The following MMP2 variants were observed in gnomAD, a reference collection of about 807,000 sequenced individuals.
The protein encoded by MMP2 is matrix metallopeptidase 2.
In MMP2, 39 loss-of-function variants were observed where a neutral mutation model predicts 74.8. The ratio of observed to expected loss-of-function variants is 0.52; its 90% CI spans 0.40 to 0.68. The LOEUF is 0.68. Among genes scored for constraint, MMP2 ranks in the 30% least tolerant of loss-of-function variants. The pLI, the probability that MMP2 is intolerant of heterozygous loss-of-function variation, is 0.00. For synonymous variants in MMP2, 367 were observed against 339.8 expected (o/e 1.08, Z -0.88); for missense variants, 803 against 878.3 (o/e 0.91, Z 1.08).
chr16:55,490,969 C>T (rs781621073), intron 7 of MMP2, among the ~76,000 whole-genome samples: 7 of 152,100 alleles, frequency 4.6e-5, no homozygotes, highest in Non-Finnish European at 7.4e-5. Context: ...TCTAAAATCA[C>T]GGCGTCAGTA....
At chr16:55,491,705 G>A (rs1486873884) in intron 7 of MMP2, 96 bp from the exon 8 acceptor site, 10 of 1,377,766 alleles carry the variant, frequency 7.3e-6, no homozygotes, top group African/African-American at 1.4e-5. Flanking sequence ...TTACTGTGGG[G>A]CTGTCCTCAA....
intron 10 of MMP2, among the ~76,000 whole-genome samples, chr16:55,498,030 T>C (rs2142367268): frequency 6.6e-6 from 1 of 152,306 alleles, no homozygotes; most frequent in Non-Finnish European, 1.5e-5. Flanking sequence ...GCAAGGCCCT[T>C]AGAGTGCACG....
chr16:55,491,071 C>CTT (rs57901132), intron 7 of MMP2, among the ~76,000 whole-genome samples: 19 of 145,778 alleles, frequency 1.3e-4, no homozygotes, highest in African/African-American at 3.8e-4. Context: ...GCCTCTCCTC[C>CTT]TTTTTTTTTT....
chr16:55,497,454 AC>A (rs1195822510), intron 10 of MMP2, among the ~76,000 whole-genome samples: 1 of 152,184 alleles, frequency 6.6e-6, no homozygotes, highest in Non-Finnish European at 1.5e-5. Context: ...TTTCATTTTT[AC>A]TTTTAGACAT....
chr16:55,486,666 C>G (rs12934241), intron 5 of MMP2: 1 of 151,904 alleles, frequency 6.6e-6, no homozygotes, highest in Non-Finnish European at 1.5e-5. Flanking sequence ...CACAAAAAGA[C>G]AATGTAACTT....
In MMP2 at chr16:55,479,509, C is replaced by A. The variant is rs1344245507; in HGVS notation, c.30C>A (p.Leu10=). 6.3e-7 allele frequency: 1 copy of A among 1,598,124 alleles called. No homozygotes were observed. ...AGGCGCTAATGGCCCGGGGCGCGCT[C>A]ACGGGTCCCCTGAGGGCGCTCTGTC... The part of the protein sequence containing the change: MEALMARGA[L]TGPLRALCLL... Residue 10 remains leucine (L), a synonymous_variant, in exon 1 of 13, where the codon CTC becomes CTA. Transcript: ENST00000219070.
chr16:55,503,270 C>G (rs1427173616), intron 12 of MMP2, among the ~76,000 whole-genome samples: 1 of 152,176 alleles, frequency 6.6e-6, no homozygotes, highest in Non-Finnish European at 1.5e-5. Flanking sequence ...AAGGATGGCT[C>G]CATTTGAGAC....
chr16:55,496,859 G>A lies in MMP2; in HGVS notation c.1473-67G>A, dbSNP rs1294550266. ...GGGATGTTTCTGGGTGGGTTTGGGGGTGTGTGTGGTTCGAGCTGCAGGGTG... is the reference window on the plus strand; with the variant it reads ...GGGATGTTTCTGGGTGGGTTTGGGGATGTGTGTGGTTCGAGCTGCAGGGTG... On this transcript the variant is annotated intron_variant, in intron 9 of 12. Coordinates refer to ENST00000219070, the MANE Select transcript of MMP2 (RefSeq NM_004530.6). 10 of 1,598,620 alleles carry A rather than the reference G, an allele frequency of 6.3e-6. No homozygotes were observed. The African/African-American group carries it at 1.1e-4, about 17-fold the overall frequency.
chr16:55,498,417 A>T lies in MMP2; in HGVS notation c.1738A>T (p.Thr580Ser). The change falls in exon 11 of 13, where the codon ACA becomes TCA. Residue 580 changes from threonine (T) to serine (S), a missense_variant. This residue lies in a region of MMP2 where 555 missense variants were observed against 592.0 expected (regional missense o/e 0.94). Coordinates refer to ENST00000219070, the MANE Select transcript of MMP2 (RefSeq NM_004530.6). ...AAFNWSKNKK[T>S]YIFAGDKFWR... ...CTTTAACTGGAGCAAAAACAAGAAG[A>T]CATACATCTTTGCTGGAGACAAATT... 6.2e-7 allele frequency: 1 copy of T among 1,614,196 alleles called. No individual in the cohort carries two copies. Among genetic ancestry groups the T allele is most frequent in the South Asian group, 1.1e-5 (1 of 91,088 alleles).
At chr16:55,479,979 G>GGC (rs200682091) in intron 1 of MMP2, 483 of 8,644 alleles carry the variant, frequency 0.056, 3 homozygotes, top group Non-Finnish European at 0.072. Context: ...GACATTTGGC[G>GGC]GGGGGGGGGG....
At chr16:55,486,349 G>GTGTGTGCC (rs1962256512) in intron 5 of MMP2, among the ~76,000 whole-genome samples, 6 of 53,954 alleles carry the variant, frequency 1.1e-4, no homozygotes, top group Non-Finnish European at 2.1e-4. Flanking sequence ...GTGTGTGCCT[G>GTGTGTGCC]TGTGTGTGTG....
chr16:55,495,299 G>A (rs751543285), intron 9 of MMP2, among the ~76,000 whole-genome samples: 2 of 152,316 alleles, frequency 1.3e-5, no homozygotes, highest in Middle Eastern at 3.4e-3. Context: ...CAGATGTGTG[G>A]GGCCTAGGAA....
intron 7 of MMP2, 31 bp downstream of exon 7, chr16:55,489,855 C>G: frequency 6.2e-7 from 1 of 1,610,426 alleles, no homozygotes; most frequent in Non-Finnish European, 8.5e-7. Flanking sequence ...GACAGAGACC[C>G]TGGACATTGC....
intron 9 of MMP2, 109 bp from the exon 10 acceptor site, chr16:55,496,817 A>G (rs1428013072): frequency 2.7e-6 from 4 of 1,464,910 alleles, no homozygotes; most frequent in African/African-American, 1.4e-5. Context: ...TCCCACTCCC[A>G]TCATGGAATC....
chr16:55,484,358 G>T (rs1409007623), intron 3 of MMP2, among the ~76,000 whole-genome samples, 194 bp downstream of exon 3: 3 of 152,146 alleles, frequency 2.0e-5, no homozygotes, highest in African/African-American at 7.2e-5. Context: ...TTGACATGGG[G>T]GCAGATGGTG....
At position 55,506,515 on chromosome 16, in the gene MMP2, T is replaced by C. The variant is rs1948983728; in HGVS notation, c.*1073T>C. ...CTTCCTCTTTAAGTCTGTTTCTTCA[T>C]TAGCAATCATATCAGTTTTAATGCT... On this transcript the variant is annotated 3_prime_UTR_variant, in exon 13 of 13. Transcript: ENST00000219070. The C allele has an allele frequency of 6.6e-6, 1 of 152,230 alleles. No individual in the cohort carries two copies. The highest frequency in any genetic ancestry group is 2.1e-4 in the South Asian group (1 of 4,832). The allele number at this position is 152,230 out of a possible 1,614,324, so 9.4% of individuals were successfully genotyped here.
At position 55,488,720 on chromosome 16, in the gene MMP2, G is replaced by T. The variant is rs770050939; in HGVS notation, c.1006+4G>T. 2 of 1,591,448 alleles carry T rather than the reference G, an allele frequency of 1.3e-6. No individual in the cohort carries two copies. The highest frequency in any genetic ancestry group is 3.5e-5 in the Admixed American group (2 of 57,190). On this transcript the variant is annotated splice_donor_region_variant and intron_variant, in intron 6 of 12. Transcript: ENST00000219070. ...TATGGCTTCTGCCCTGAGACCGGTG[G>T]GTGCCACTCCCTCTCCCTCCCTCAG...
rs1962802335 is a variant in MMP2, at chr16:55,506,388, G to C, written c.*946G>C. On this transcript the variant is annotated 3_prime_UTR_variant, in exon 13 of 13. Coordinates refer to ENST00000219070, the MANE Select transcript of MMP2 (RefSeq NM_004530.6). ...TCAGAGCTTCCAAAGTAAACAGCAAGAGAACCTCAGGGAGAGTAAGCTCTA... is the reference window on the plus strand; with the variant it reads ...TCAGAGCTTCCAAAGTAAACAGCAACAGAACCTCAGGGAGAGTAAGCTCTA... 6.6e-6 allele frequency: 1 copy of C among 152,222 alleles called. No individual in the cohort carries two copies. Among genetic ancestry groups the C allele is most frequent in the Non-Finnish European group, 1.5e-5 (1 of 68,046 alleles). 9.4% of individuals were successfully genotyped at this position (152,222 alleles called of 1,614,324 possible).
At chr16:55,501,523 G>A (rs1962665640) in intron 11 of MMP2, among the ~76,000 whole-genome samples, 1 of 152,234 alleles carries the variant, frequency 6.6e-6, no homozygotes, top group Non-Finnish European at 1.5e-5. Flanking sequence ...TTGGATGGGA[G>A]TGTTGGGATT....
Sources: gnomAD v4.1 joint callset for allele counts (sites outside exome capture counted in the v4.1 genomes callset) on GRCh38, gnomAD v4.1.1 for gene constraint, gnomAD v4.1.1 regional missense constraint, MANE v1.5 for transcripts, NCBI Gene and HGNC (gene_info 2026-07-23, HGNC 2026-07-21) for gene names.